NELL1: variants seen among roughly 807,000 people sequenced by gnomAD.
The protein encoded by NELL1 is neural EGFL like 1, also known as protein kinase C-binding protein NELL1.
Under a neutral mutation model 107.4 loss-of-function variants are expected in NELL1, and 76 were observed. The ratio of observed to expected loss-of-function variants is 0.71; its 90% CI spans 0.59 to 0.86. The LOEUF (loss-of-function observed/expected upper bound fraction) is 0.86, where lower values mean the gene tolerates loss of function less well. Ranked by LOEUF, NELL1 falls within the 40% of genes least tolerant of loss-of-function variation. The pLI is 0.00. For synonymous variants in NELL1, 353 were observed against 341.2 expected (o/e 1.03, Z -0.38); for missense variants, 1,024 against 1,005.5 (o/e 1.02, Z -0.25).
exon 20 of NELL1, chr11:21,575,681 CAAAAATAA>C (rs1045603804): frequency 6.6e-5 from 10 of 151,442 alleles, no homozygotes; most frequent in African/African-American, 2.4e-4. Context: ...GTCTCTCTTG[CAAAAATAA>C]AAAAATAAAA....
At chr11:20,707,029 A>T (rs553685834) in intron 2 of NELL1, among the ~76,000 whole-genome samples, 1 of 152,280 alleles carries the variant, frequency 6.6e-6, no homozygotes, top group South Asian at 2.1e-4. Context: ...TGGTCTTTTC[A>T]CATAGTCCCA....
chr11:21,051,995 C>T (rs1318513330), intron 12 of NELL1, among the ~76,000 whole-genome samples: 5 of 152,016 alleles, frequency 3.3e-5, no homozygotes, highest in African/African-American at 4.8e-5. Flanking sequence ...GTCAGGGAGA[C>T]GGGAAATGCT....
intron 16 of NELL1, among the ~76,000 whole-genome samples, chr11:21,541,639 G>A (rs1856295269): frequency 6.6e-6 from 1 of 152,076 alleles, no homozygotes; most frequent in South Asian, 2.1e-4. Context: ...ATACTGTGAT[G>A]TAATGGAGAG....
intron 14 of NELL1, among the ~76,000 whole-genome samples, chr11:21,309,857 C>A (rs975375384): frequency 6.6e-6 from 1 of 152,012 alleles, no homozygotes; most frequent in Non-Finnish European, 1.5e-5. Context: ...AATTCAGTCA[C>A]CTCCCCCTGG....
intron 2 of NELL1, among the ~76,000 whole-genome samples, chr11:20,704,879 G>T (rs1306261765): frequency 1.3e-5 from 2 of 152,162 alleles, no homozygotes; most frequent in Non-Finnish European, 2.9e-5. Flanking sequence ...CAGACAAACA[G>T]AGAGCCAAAT....
intron 14 of NELL1, among the ~76,000 whole-genome samples, chr11:21,264,160 A>G (rs1034821497): frequency 1.3e-5 from 2 of 150,656 alleles, no homozygotes; most frequent in African/African-American, 4.9e-5. Context: ...GGAATGTAGC[A>G]CCTAGAGACA....
chr11:21,018,153 T>C (rs1477991064), intron 12 of NELL1, among the ~76,000 whole-genome samples: 1 of 152,150 alleles, frequency 6.6e-6, no homozygotes, highest in Non-Finnish European at 1.5e-5. Context: ...ATTTGTGTAT[T>C]TGTATTTTCT....
At chr11:20,909,288 T>A (rs1590404926) in intron 5 of NELL1, among the ~76,000 whole-genome samples, 1 of 152,196 alleles carries the variant, frequency 6.6e-6, no homozygotes, top group African/African-American at 2.4e-5. Flanking sequence ...TTAATGCCAC[T>A]GAATTGTGCA....
chr11:21,344,025 A>G (rs887726532), intron 14 of NELL1, among the ~76,000 whole-genome samples: 1 of 152,170 alleles, frequency 6.6e-6, no homozygotes, highest in African/African-American at 2.4e-5. Flanking sequence ...TACCAAGCAG[A>G]TGTGCCCCAT....
At chr11:21,542,366 G>A (rs1478664573) in intron 16 of NELL1, among the ~76,000 whole-genome samples, 1 of 152,026 alleles carries the variant, frequency 6.6e-6, no homozygotes. Flanking sequence ...TGGGCTCATA[G>A]GTAGAGGAGA....
chr11:21,093,962 C>T (rs1854580308), intron 12 of NELL1, among the ~76,000 whole-genome samples: 1 of 152,148 alleles, frequency 6.6e-6, no homozygotes, highest in African/African-American at 2.4e-5. Flanking sequence ...TCATGCATTC[C>T]CAACAGTCCC....
chr11:20,808,634 T>C (rs1857435547), intron 3 of NELL1, among the ~76,000 whole-genome samples: 2 of 152,200 alleles, frequency 1.3e-5, no homozygotes, highest in Non-Finnish European at 2.9e-5. Context: ...CAGGTTTATT[T>C]AGGAACCCAG....
chr11:21,391,972 G>T (rs1456455269), intron 15 of NELL1, among the ~76,000 whole-genome samples: 1 of 151,762 alleles, frequency 6.6e-6, no homozygotes, highest in Non-Finnish European at 1.5e-5. Flanking sequence ...GAGTCTTTCT[G>T]TTTCCTAGAA....
intron 12 of NELL1, among the ~76,000 whole-genome samples, chr11:21,097,435 T>G (rs1854673544): frequency 6.6e-6 from 1 of 152,140 alleles, no homozygotes; most frequent in African/African-American, 2.4e-5. Flanking sequence ...CTGGACGCAG[T>G]CCTTATCTCT....
At chr11:21,029,592 T>G (rs1330335916) in intron 12 of NELL1, among the ~76,000 whole-genome samples, 2 of 152,150 alleles carry the variant, frequency 1.3e-5, no homozygotes, top group Non-Finnish European at 2.9e-5. Context: ...GGGTTGTCTC[T>G]GAAAACTCCA....
chr11:21,484,743 A>G (rs888677023), intron 15 of NELL1, among the ~76,000 whole-genome samples: 3 of 152,162 alleles, frequency 2.0e-5, no homozygotes, highest in Non-Finnish European at 4.4e-5. Flanking sequence ...TTTGACTTAC[A>G]AACATCTCAA....
chr11:21,175,670 T>A (rs1268890181), intron 13 of NELL1, among the ~76,000 whole-genome samples: 1 of 151,908 alleles, frequency 6.6e-6, no homozygotes. Flanking sequence ...TGATTAAATG[T>A]TAATTGGCAG....
rs577396180 is a variant in NELL1, at chr11:21,350,714, T to C, written c.1550-20139T>C. ...TTTGCTTGGAACTGGAGACAGAGAGTTGAAAGACACCATCTGTATGTTTCA... is the reference window on the plus strand; with the variant it reads ...TTTGCTTGGAACTGGAGACAGAGAGCTGAAAGACACCATCTGTATGTTTCA... On this transcript the variant is annotated intron_variant, in intron 14 of 19. Transcript: ENST00000357134. Among the ~76,000 whole-genome samples the C allele has an allele frequency of 5.3e-5, 8 of 152,184 alleles. No individual in the cohort carries two copies. The East Asian group carries it at 1.2e-3, about 22-fold the overall frequency.
intron 3 of NELL1, among the ~76,000 whole-genome samples, chr11:20,785,795 A>G (rs973820039): frequency 1.3e-5 from 2 of 152,182 alleles, no homozygotes; most frequent in East Asian, 3.9e-4. Flanking sequence ...AGGATTGTGC[A>G]TGGTGAGTGG....
Sources: allele counts gnomAD v4.1 joint callset (sites outside exome capture counted in the v4.1 genomes callset), GRCh38; gene constraint gnomAD v4.1.1; transcripts MANE v1.5; gene names NCBI Gene and HGNC (gene_info 2026-07-23, HGNC 2026-07-21).